BAP1: variants seen among roughly 807,000 people sequenced by gnomAD.
BAP1 encodes BRCA1 associated deubiquitinase 1, also known as ubiquitin carboxyl-terminal hydrolase BAP1.
In BAP1, 16 loss-of-function variants were observed where a neutral mutation model predicts 77.2. The ratio of observed to expected loss-of-function variants is 0.21; its 90% CI spans 0.14 to 0.31. The LOEUF is 0.31. BAP1 is among the 10% of genes least tolerant of loss of function. The pLI is 1.00. For missense variants in BAP1, 699 were observed against 967.3 expected, an observed-to-expected ratio of 0.72 and a Z score of 3.68; for synonymous variants, 362 against 385.2, an observed-to-expected ratio of 0.94 and a Z score of 0.71.
At chr3:52,405,384 C>G (rs1349168272) in intron 10 of BAP1, 90 bp from the exon 11 acceptor site, 1 of 1,511,916 alleles carries the variant, frequency 6.6e-7, no homozygotes, top group East Asian at 2.3e-5. Flanking sequence ...CAGCACTTCC[C>G]AGAGAAGAAC....
chr3:52,404,692 A>C (rs1214039486), intron 11 of BAP1, 106 bp from the exon 12 acceptor site: 1 of 1,492,712 alleles, frequency 6.7e-7, no homozygotes, highest in Non-Finnish European at 9.0e-7. Flanking sequence ...AGACTGAGTC[A>C]GCGGAACCCC....
rs1338737207 is a variant in BAP1, at chr3:52,403,219, G to C, written c.1809C>G (p.Val603=). ...TCTCTCTGCTGTCCGTGGCTTCCAC[G>C]ACCTCCTTCTCCACTGGGCTGCTGG... The part of the protein sequence containing the change: ...QGSSSPVEKE[V]VEATDSREKT... Residue 603 remains valine, a synonymous_variant, in exon 14 of 17, where the codon GTC becomes GTG. Transcript: ENST00000460680. This position sits in a 1 kb window ranked among gnomAD's most constrained non-coding sequence, Gnocchi z 4.0. 1 of 1,614,126 alleles carries C rather than the reference G, an allele frequency of 6.2e-7. No individual in the cohort carries two copies. The highest frequency in any genetic ancestry group is 1.3e-5 in the African/African-American group (1 of 75,048).
chr3:52,405,403 CA>C (rs1243992538), intron 10 of BAP1, 109 bp from the exon 11 acceptor site: 11 of 1,342,618 alleles, frequency 8.2e-6, no homozygotes, highest in Non-Finnish European at 1.1e-5. Context: ...ACAGCCCAGC[CA>C]GCTGGTGCAA....
intron 4 of BAP1, 30 bp downstream of exon 4, chr3:52,408,444 C>T (rs2153228251): frequency 6.2e-7 from 1 of 1,607,544 alleles, no homozygotes; most frequent in Non-Finnish European, 8.5e-7. Flanking sequence ...AGCATCCCAC[C>T]CTCCAAACAA....
In BAP1 at chr3:52,403,512, G is replaced by T; in HGVS notation, c.1633C>A (p.Arg545Ser). 6.2e-7 allele frequency: 1 copy of T among 1,614,084 alleles called. No homozygotes were observed. The highest frequency in any genetic ancestry group is 8.5e-7 in the Non-Finnish European group (1 of 1,180,010). ...DDSLLRVDCIRYNRAVRDLGP... is the reference protein window; with the variant it reads ...DDSLLRVDCISYNRAVRDLGP... ...AGATCACGGACAGCACGGTTGTAGC[G>T]TATGCAGTCAACACGCAGCAGGCTG... Residue 545 changes from arginine to serine, a missense_variant, in exon 13 of 17, where the codon CGC (arginine) becomes AGC (serine). By Grantham distance (110) the Arg-to-Ser change is moderately radical. Transcript: ENST00000460680. This position sits in a 1 kb window ranked among gnomAD's most constrained non-coding sequence, Gnocchi z 4.0.
chr3:52,401,480 A>G lies in BAP1; in HGVS notation c.*808T>C, dbSNP rs560014343. On this transcript the variant is annotated 3_prime_UTR_variant, in exon 17 of 17. Transcript: ENST00000460680. ...TCAAGCGCCAGGGACAGAGACCTAGAGCCCAATTTAGGCCCATAGCTAGGG... is the reference window on the plus strand; with the variant it reads ...TCAAGCGCCAGGGACAGAGACCTAGGGCCCAATTTAGGCCCATAGCTAGGG... 42 of 233,646 alleles carry G rather than the reference A, an allele frequency of 1.8e-4. No individual in the cohort carries two copies. The highest frequency in any genetic ancestry group is 3.1e-4 in the Non-Finnish European group (37 of 118,112). 14.5% of individuals were successfully genotyped at this position (233,646 alleles called of 1,614,324 possible). A position where few individuals can be genotyped will look rare whatever the true frequency, so the allele number is the denominator to read the frequency against.
chr3:52,403,181 A>G lies in BAP1; in HGVS notation c.1847T>C (p.Val616Ala). The G allele has an allele frequency of 6.2e-7, 1 of 1,614,076 alleles. No homozygotes were observed. The highest frequency in any genetic ancestry group is 8.5e-7 in the Non-Finnish European group (1 of 1,180,008). The change falls in exon 14 of 17, where the codon GTG (valine) becomes GCG (alanine). Residue 616 changes from valine (V) to alanine (A), a missense_variant. This residue lies in a region of BAP1 where 475 missense variants were observed against 532.4 expected (regional missense o/e 0.89). Coordinates refer to ENST00000460680, the MANE Select transcript of BAP1 (RefSeq NM_004656.4). The surrounding 1 kb of genome is among the most constrained non-coding windows in gnomAD (Gnocchi z 4.0). ...CCCACTCAAGGGCTCGCCAGGCCTC[A>G]CCATCCCCGTCTTCTCTCTGCTGTC... ...ATDSREKTGM[V>A]RPGEPLSGEK...
Position 52,402,703 on chromosome 3 carries a change from T to C in BAP1, c.1984-29A>G, listed in dbSNP as rs1340485642. On this transcript the variant is annotated intron_variant, in intron 15 of 16. Transcript: ENST00000460680. The surrounding 1 kb of genome is among the most constrained non-coding windows in gnomAD (Gnocchi z 5.3). Reference sequence around the variant, plus strand: ...TAGGAGAGAAGAAGACTGAGAGCACTGGAGCCAATCTTGCCAGAGCAGCCA... The same window carrying C: ...TAGGAGAGAAGAAGACTGAGAGCACCGGAGCCAATCTTGCCAGAGCAGCCA... The C allele has an allele frequency of 1.2e-6, 2 of 1,614,146 alleles. No individual in the cohort carries two copies. The highest frequency in any genetic ancestry group is 2.2e-5 in the East Asian group (1 of 44,890).
intron 4 of BAP1, 147 bp downstream of exon 4, chr3:52,408,327 G>C (rs2153228206): frequency 7.4e-7 from 1 of 1,356,168 alleles, no homozygotes; most frequent in Non-Finnish European, 1.0e-6. Context: ...AATGAATTAA[G>C]AGTTCAGTTC....
At position 52,403,817 on chromosome 3, in the gene BAP1, T is replaced by C. The variant is rs756153541; in HGVS notation, c.1328A>G (p.Asn443Ser). Residue 443 changes from asparagine to serine, a missense_variant, in exon 13 of 17, where the codon AAC (asparagine) becomes AGC (serine). This residue lies in a region of BAP1 where 475 missense variants were observed against 532.4 expected (regional missense o/e 0.89). Transcript: ENST00000460680. The surrounding 1 kb of genome is among the most constrained non-coding windows in gnomAD (Gnocchi z 4.0). ...ADGQLSVLQP[N>S]TINVLAEKLK... ...CTTCTCAGCCAAGACGTTGATGGTG[T>C]TGGGCTGCAGCACTGACAGTTGCCC... is the stretch of plus-strand genomic sequence containing the variant. 3 of 1,614,146 alleles carry C rather than the reference T, an allele frequency of 1.9e-6. No homozygotes were observed. Among genetic ancestry groups the C allele is most frequent in the Non-Finnish European group, 2.5e-6 (3 of 1,180,028 alleles).
Position 52,404,479 on chromosome 3 carries a change from G to A in BAP1, c.1224C>T (p.Asp408=), listed in dbSNP as rs755110121. Residue 408 remains aspartate (D), a synonymous_variant, in exon 12 of 17, where the codon GAC becomes GAT. Coordinates refer to ENST00000460680, the MANE Select transcript of BAP1 (RefSeq NM_004656.4). Reference sequence around the variant, plus strand: ...TAAGGGCAGAGTTGGTGTTCTGCACGTCATCCTCCTCGTCATCCTCATAGT... The same window carrying A: ...TAAGGGCAGAGTTGGTGTTCTGCACATCATCCTCCTCGTCATCCTCATAGT... ...EDDYEDDEED[D]VQNTNSALRY... is the part of the protein sequence containing the mutation. The A allele has an allele frequency of 1.2e-5, 19 of 1,614,090 alleles. No homozygotes were observed. The highest frequency in any genetic ancestry group is 6.7e-5 in the African/African-American group (5 of 74,932).
In BAP1 at chr3:52,402,291, C is replaced by T. The variant is rs1341689711; in HGVS notation, c.2187G>A (p.Gln729=). ...KRSRPYKAKR[Q] ...GCAGAGTCAGGGCCAGCAGTCCTCA[C>T]TGGCGCTTGGCCTTGTAGGGGCGAG... Residue 729 remains glutamine (Q), a synonymous_variant, in exon 17 of 17, where the codon CAG becomes CAA. Coordinates refer to ENST00000460680, the MANE Select transcript of BAP1 (RefSeq NM_004656.4). This position sits in a 1 kb window ranked among gnomAD's most constrained non-coding sequence, Gnocchi z 5.3. 6.2e-7 allele frequency: 1 copy of T among 1,601,190 alleles called. No individual in the cohort carries two copies. The highest frequency in any genetic ancestry group is 1.7e-5 in the Admixed American group (1 of 57,796).
chr3:52,404,465 T>G lies in BAP1; in HGVS notation c.1238A>C (p.Asn413Thr), dbSNP rs1231899667. 5.6e-6 allele frequency: 9 copies of G among 1,613,940 alleles called. No homozygotes were observed. Among genetic ancestry groups the G allele is most frequent in the Non-Finnish European group, 7.6e-6 (9 of 1,180,008 alleles). ...AAGCTGGGCTGACCTAAGGGCAGAG[T>G]TGGTGTTCTGCACGTCATCCTCCTC... ...DDEEDDVQNT[N>T]SALRYKGKGT... The change falls in exon 12 of 17, where the codon AAC becomes ACC. Residue 413 changes from asparagine (N) to threonine (T), a missense_variant. Around this residue, in one of 3 missense-constraint regions of BAP1, gnomAD observed 475 missense variants for 532.4 expected, o/e 0.89. Transcript: ENST00000460680.
chr3:52,407,522 A>C lies in BAP1; in HGVS notation c.376-62T>G, dbSNP rs535733094. ...TCTCCTCAGGTAGGACTATGGGTGG[A>C]AGGCAAAGCTTCAGAGAGCAGCCTG... On this transcript the variant is annotated intron_variant, in intron 5 of 16. Coordinates refer to ENST00000460680, the MANE Select transcript of BAP1 (RefSeq NM_004656.4). 1.6e-5 allele frequency: 25 copies of C among 1,607,340 alleles called. No homozygotes were observed. In the Middle Eastern group the frequency reaches 6.6e-4, roughly 42 times the overall value.
rs1273874641 is a variant in BAP1, at chr3:52,406,170, T to C, written c.783+83A>G. 6.2e-7 allele frequency: 1 copy of C among 1,606,180 alleles called. No homozygotes were observed. The highest frequency in any genetic ancestry group is 8.5e-7 in the Non-Finnish European group (1 of 1,175,378). On this transcript the variant is annotated intron_variant, in intron 9 of 16. Transcript: ENST00000460680. The surrounding 1 kb of genome is among the most constrained non-coding windows in gnomAD (Gnocchi z 4.6). ...ATCTACAAGAGAGTATGTTCACGAA[T>C]CAGAGACAAATGCTGTGGGGGAAGG...
At chr3:52,407,095 C>G (rs777741631) in intron 7 of BAP1, 79 bp downstream of exon 7, 13 of 1,605,656 alleles carry the variant, frequency 8.1e-6, no homozygotes, top group Non-Finnish European at 1.1e-5. Flanking sequence ...CTGGGTACCA[C>G]ATACCAGAGG....
chr3:52,401,126 C>T lies in BAP1; in HGVS notation c.*1162G>A. ...CTGCCACACTTGCCAGCACCCCCCA[C>T]TCAGTCACTATGTACAGATAAAGGG... On this transcript the variant is annotated 3_prime_UTR_variant, in exon 17 of 17. Coordinates refer to ENST00000460680, the MANE Select transcript of BAP1 (RefSeq NM_004656.4). 1 of 232,860 alleles carries T rather than the reference C, an allele frequency of 4.3e-6. No individual in the cohort carries two copies. The highest frequency in any genetic ancestry group is 6.1e-5 in the East Asian group (1 of 16,450). The allele number at this position is 232,860 out of a possible 1,614,324, so 14.4% of individuals were successfully genotyped here. A position where few individuals can be genotyped will look rare whatever the true frequency, so the allele number is the denominator to read the frequency against.
In BAP1 at chr3:52,405,209, T is replaced by G. The variant is rs779774919; in HGVS notation, c.1017A>C (p.Pro339=). ...PNKPKLVVKP[P]GSSLNGVHPN... is the part of the protein sequence containing the mutation. The stretch of plus-strand genomic sequence containing the variant: ...GGTGAACCCCATTGAGGCTGCTGCC[T>G]GGAGGCTTCACCACTAGCTTGGGTT... The change falls in exon 11 of 17, where the codon CCA becomes CCC. Residue 339 remains proline (P), a synonymous_variant. Coordinates refer to ENST00000460680, the MANE Select transcript of BAP1 (RefSeq NM_004656.4). 1 of 1,614,106 alleles carries G rather than the reference T, an allele frequency of 6.2e-7. No individual in the cohort carries two copies. The highest frequency in any genetic ancestry group is 2.2e-5 in the East Asian group (1 of 44,890).
In BAP1 at chr3:52,403,850, G is replaced by A. The variant is rs866182083; in HGVS notation, c.1295C>T (p.Ser432Phe). The A allele has an allele frequency of 1.2e-6, 2 of 1,614,104 alleles. No individual in the cohort carries two copies. The highest frequency in any genetic ancestry group is 2.2e-5 in the South Asian group (2 of 91,086). ...GTGKPGALSG[S>F]ADGQLSVLQP... ...CAGCACTGACAGTTGCCCATCAGCA[G>A]AACCGCTCAATGCCCCTGGCTTCCC... The change falls in exon 13 of 17, where the codon TCT becomes TTT. Residue 432 changes from serine to phenylalanine, a missense_variant. Around this residue, in one of 3 missense-constraint regions of BAP1, gnomAD observed 475 missense variants for 532.4 expected, o/e 0.89. Transcript: ENST00000460680. The surrounding 1 kb of genome is among the most constrained non-coding windows in gnomAD (Gnocchi z 4.0).
Sources: gnomAD v4.1 joint callset for allele counts on GRCh38, gnomAD v4.1.1 for gene constraint, gnomAD v4.1.1 regional missense constraint, Gnocchi (gnomAD v3.1) non-coding constraint, MANE v1.5 for transcripts, NCBI Gene and HGNC (gene_info 2026-07-23, HGNC 2026-07-21) for gene names.